The following ATG5 variants were observed in gnomAD, a reference collection of about 807,000 sequenced individuals.
ATG5 encodes autophagy related 5, also known as autophagy protein 5.
ATG5 carries 14 observed loss-of-function variants against 36.5 expected under a neutral mutation model. The ratio of observed to expected loss-of-function variants is 0.38; its 90% CI spans 0.25 to 0.60. The LOEUF (loss-of-function observed/expected upper bound fraction) is 0.60, where lower values mean the gene tolerates loss of function less well. Among genes scored for constraint, ATG5 ranks in the 20% least tolerant of loss-of-function variants. ATG5 has a pLI of 0.60. For missense variants in ATG5, 195 were observed against 326.7 expected (o/e 0.60, Z 3.11); for synonymous variants, 95 against 101.5 (o/e 0.94, Z 0.38).
At chr6:106,250,522 A>G (rs1778532641) in intron 5 of ATG5, among the ~76,000 whole-genome samples, 1 of 152,226 alleles carries the variant, frequency 6.6e-6, no homozygotes, top group Non-Finnish European at 1.5e-5. Flanking sequence ...TGCTGCCACG[A>G]AACTTTATCT....
rs564753971 is a variant in ATG5, at chr6:106,325,744, A to G, written c.-277T>C. The G allele has an allele frequency of 6.5e-6, 1 of 153,016 alleles. No homozygotes were observed. Among genetic ancestry groups the G allele is most frequent in the East Asian group, 1.9e-4 (1 of 5,290 alleles). The allele number at this position is 153,016 out of a possible 1,614,324, so 9.5% of individuals were successfully genotyped here. ...ACTTCCGCCCTCTGGTATCCAGCGA[A>G]TACAACCGGCAACGCTGCGGAGCCC... On this transcript the variant is annotated 5_prime_UTR_variant, in exon 1 of 8. Coordinates refer to ENST00000369076, the MANE Select transcript of ATG5 (RefSeq NM_004849.4).
chr6:106,222,167 C>T (rs2114431488), intron 6 of ATG5, among the ~76,000 whole-genome samples: 1 of 152,274 alleles, frequency 6.6e-6, no homozygotes, highest in East Asian at 1.9e-4. Flanking sequence ...GCCACTGCGT[C>T]TGGCCTAAAG....
intron 6 of ATG5, among the ~76,000 whole-genome samples, chr6:106,229,454 G>GGAGGACAGGGAGAGAGACAGA (rs1372507475): frequency 6.6e-6 from 1 of 151,642 alleles, no homozygotes; most frequent in Non-Finnish European, 1.5e-5. Flanking sequence ...AGAGAGACAG[G>GGAGGACAGGGAGAGAGACAGA]GAGGACAGGG....
chr6:106,222,467 A>C (rs908511465), intron 6 of ATG5, among the ~76,000 whole-genome samples: 7 of 152,142 alleles, frequency 4.6e-5, no homozygotes, highest in Admixed American at 4.6e-4. Context: ...CAATCTCTTC[A>C]TATTAAGGGG....
intron 2 of ATG5, among the ~76,000 whole-genome samples, chr6:106,314,147 G>A (rs890774100): frequency 6.6e-6 from 1 of 152,130 alleles, no homozygotes. Context: ...AACAACTTAC[G>A]CTCTAGTGCT....
intron 3 of ATG5, among the ~76,000 whole-genome samples, chr6:106,303,597 T>C (rs1027450932): frequency 1.3e-5 from 2 of 151,830 alleles, no homozygotes; most frequent in Admixed American, 6.6e-5. Context: ...AATCAGACAA[T>C]AGAAAAAACA....
rs554837256 is a variant in ATG5, at chr6:106,323,364, G to A, written c.-59+2162C>T. Among the ~76,000 whole-genome samples the A allele has an allele frequency of 2.7e-5, 4 of 150,114 alleles. 1 individual carries two copies. The highest frequency in any genetic ancestry group is 9.9e-5 in the African/African-American group (4 of 40,584). ...GGTCACTGTAACCTTGAGCTCAAGGGGGTCAAGTGATCCTCCCCTCCCATC... is the reference window on the plus strand; with the variant it reads ...GGTCACTGTAACCTTGAGCTCAAGGAGGTCAAGTGATCCTCCCCTCCCATC... On this transcript the variant is annotated intron_variant, in intron 1 of 7. Coordinates refer to ENST00000369076, the MANE Select transcript of ATG5 (RefSeq NM_004849.4).
chr6:106,283,675 G>T (rs1779966188), intron 4 of ATG5: 1 of 152,312 alleles, frequency 6.6e-6, no homozygotes, highest in Non-Finnish European at 1.5e-5. Context: ...AGTCTTCTGA[G>T]TAGCTGGGAC....
At chr6:106,202,705 C>T (rs896120889) in intron 6 of ATG5, among the ~76,000 whole-genome samples, 1 of 152,120 alleles carries the variant, frequency 6.6e-6, no homozygotes, top group Admixed American at 6.6e-5. Flanking sequence ...TCTGCCACCC[C>T]GGCTGGAGTG....
At chr6:106,260,412 C>T (rs1406334082) in intron 5 of ATG5, among the ~76,000 whole-genome samples, 1 of 152,152 alleles carries the variant, frequency 6.6e-6, no homozygotes, top group East Asian at 1.9e-4. Context: ...GAGAGAAATA[C>T]ACTAAATGTA....
intron 6 of ATG5, among the ~76,000 whole-genome samples, chr6:106,240,393 TAAA>T (rs1778073805): frequency 6.8e-6 from 1 of 146,124 alleles, no homozygotes; most frequent in South Asian, 2.2e-4. Flanking sequence ...TTTTATAAAA[TAAA>T]AAGTTAAGAA....
chr6:106,257,615 GTA>G (rs1406204937), intron 5 of ATG5, among the ~76,000 whole-genome samples: 1 of 152,102 alleles, frequency 6.6e-6, no homozygotes, highest in Non-Finnish European at 1.5e-5. Flanking sequence ...CCACCTCTTG[GTA>G]GTTCTGTGAA....
Position 106,184,595 on chromosome 6 carries a change from T to G in ATG5, c.*1945A>C, listed in dbSNP as rs1775698293. 6.6e-6 allele frequency: 1 copy of G among 152,304 alleles called. No homozygotes were observed. The highest frequency in any genetic ancestry group is 2.1e-4 in the South Asian group (1 of 4,832). The allele number at this position is 152,304 out of a possible 1,614,324, so 9.4% of individuals were successfully genotyped here. On this transcript the variant is annotated 3_prime_UTR_variant, in exon 8 of 8. Transcript: ENST00000369076. Reference sequence around the variant, plus strand: ...CTCTTCCTCTAGGGCATTGTAGGCTTGACTTACCTGGGATTAGAGTAATAA... The same window carrying G: ...CTCTTCCTCTAGGGCATTGTAGGCTGGACTTACCTGGGATTAGAGTAATAA...
intron 4 of ATG5, among the ~76,000 whole-genome samples, chr6:106,282,877 C>T (rs1208202415): frequency 6.6e-6 from 1 of 152,064 alleles, no homozygotes; most frequent in African/African-American, 2.4e-5. Context: ...GCCTCAACCT[C>T]TGGGGCCCAA....
intron 3 of ATG5, among the ~76,000 whole-genome samples, chr6:106,294,469 G>A (rs934516571): frequency 1.3e-5 from 2 of 151,368 alleles, no homozygotes; most frequent in African/African-American, 4.8e-5. Context: ...TTGCTTACTT[G>A]TATAGAATTA....
At chr6:106,211,934 C>T (rs1045590338) in intron 6 of ATG5, among the ~76,000 whole-genome samples, 2 of 152,142 alleles carry the variant, frequency 1.3e-5, no homozygotes, top group African/African-American at 4.8e-5. Flanking sequence ...TGGTGATTTA[C>T]TACATTTATA....
chr6:106,254,900 T>TA (rs1720235758), intron 5 of ATG5, among the ~76,000 whole-genome samples: 1 of 152,232 alleles, frequency 6.6e-6, no homozygotes, highest in African/African-American at 2.4e-5. Context: ...CTGTTGGAGT[T>TA]ATGCAATTGA....
intron 6 of ATG5, among the ~76,000 whole-genome samples, chr6:106,218,147 A>G (rs1252696232): frequency 6.6e-6 from 1 of 152,190 alleles, no homozygotes. Flanking sequence ...TCACTAGCAA[A>G]AGAGGGTATA....
chr6:106,230,074 G>C (rs1777615982), intron 6 of ATG5, among the ~76,000 whole-genome samples: 1 of 152,210 alleles, frequency 6.6e-6, no homozygotes, highest in South Asian at 2.1e-4. Context: ...TTCAGGACAG[G>C]ATGATAGATG....
Sources: gnomAD v4.1 joint callset for allele counts (sites outside exome capture counted in the v4.1 genomes callset) on GRCh38, gnomAD v4.1.1 for gene constraint, MANE v1.5 for transcripts, NCBI Gene and HGNC (gene_info 2026-07-23, HGNC 2026-07-21) for gene names.